Variants in GLI2 observed in about 807,000 individuals in gnomAD.
The protein encoded by GLI2 is transcription activator GLI2.
In GLI2, 22 loss-of-function variants were observed where a neutral mutation model predicts 78.9. That is an observed-to-expected ratio of 0.28 (90% CI 0.20 to 0.40). The LOEUF (loss-of-function observed/expected upper bound fraction) is 0.40. GLI2 is among the 10% of genes least tolerant of loss of function. The probability of loss-of-function intolerance (pLI) is 1.00; values close to 1 mark genes in which losing one functional copy is unlikely to be tolerated. For missense variants in GLI2, 2,097 were observed against 2,213.2 expected, an observed-to-expected ratio of 0.95 and a Z score of 1.05; for synonymous variants, 974 against 963.7, an observed-to-expected ratio of 1.01 and a Z score of -0.20.
chr2:120,980,434 C>A (rs1475919859), intron 10 of GLI2, among the ~76,000 whole-genome samples: 5 of 152,216 alleles, frequency 3.3e-5, no homozygotes, highest in Admixed American at 6.5e-5. Context: ...ATTTGCGTAT[C>A]TTCTCTGGAG....
chr2:120,856,678 C>T (rs1057492556), intron 2 of GLI2, among the ~76,000 whole-genome samples: 33 of 152,048 alleles, frequency 2.2e-4, no homozygotes, highest in Admixed American at 7.9e-4. Context: ...ACTGCAGTCC[C>T]GAGCCCTCTG....
chr2:120,813,614 C>A (rs1203799122), intron 2 of GLI2, among the ~76,000 whole-genome samples: 4 of 152,230 alleles, frequency 2.6e-5, no homozygotes. Flanking sequence ...TGACAATGTT[C>A]TTGTACATGC....
chr2:120,885,405 T>C (rs1677347578), intron 2 of GLI2, among the ~76,000 whole-genome samples: 1 of 152,212 alleles, frequency 6.6e-6, no homozygotes, highest in Non-Finnish European at 1.5e-5. Context: ...ACAGCTGGCC[T>C]CTGGGGAGGC....
intron 6 of GLI2, 94 bp downstream of exon 6, chr2:120,969,009 G>C (rs553916845): frequency 9.0e-6 from 8 of 886,742 alleles, no homozygotes; most frequent in Non-Finnish European, 1.3e-5. Flanking sequence ...CTTTTGACCC[G>C]AGGAGAAAGA....
intron 2 of GLI2, among the ~76,000 whole-genome samples, chr2:120,911,489 C>T (rs1413412860): frequency 3.9e-5 from 6 of 152,148 alleles, no homozygotes; most frequent in African/African-American, 1.2e-4. Flanking sequence ...ACTGCGGCCC[C>T]GAGCAGCATG....
chr2:120,955,094 G>T lies in GLI2; in HGVS notation c.458-151G>T, dbSNP rs189205787. 114 of 667,224 alleles carry T rather than the reference G, an allele frequency of 1.7e-4. No individual in the cohort carries two copies. In the East Asian group the frequency reaches 3.0e-3, roughly 18 times the overall value. The allele number at this position is 667,224 out of a possible 1,614,324, so 41.3% of individuals were successfully genotyped here. A position where few individuals can be genotyped will look rare whatever the true frequency, so the allele number is the denominator to read the frequency against. On this transcript the variant is annotated intron_variant, in intron 4 of 13. Coordinates refer to ENST00000361492, the MANE Select transcript of GLI2 (RefSeq NM_001374353.1). Reference sequence around the variant, plus strand: ...GGCCCAGCACAGTGCAAACAGTGGGGCAGTGGGGGAAAATGCCGAGGAGAG... The same window carrying T: ...GGCCCAGCACAGTGCAAACAGTGGGTCAGTGGGGGAAAATGCCGAGGAGAG...
intron 1 of GLI2, among the ~76,000 whole-genome samples, chr2:120,768,143 GC>G (rs1171219340): frequency 8.5e-5 from 13 of 152,350 alleles, no homozygotes; most frequent in South Asian, 4.1e-4. Flanking sequence ...CCCTGGAATA[GC>G]AGTATTTCTA....
At chr2:120,849,671 C>T (rs1687308878) in intron 2 of GLI2, among the ~76,000 whole-genome samples, 1 of 152,192 alleles carries the variant, frequency 6.6e-6, no homozygotes, top group Admixed American at 6.5e-5. Flanking sequence ...AGTTTCCAGT[C>T]CCTCTTCTTT....
chr2:120,814,069 C>T (rs999621158), intron 2 of GLI2, among the ~76,000 whole-genome samples: 4 of 151,802 alleles, frequency 2.6e-5, no homozygotes, highest in Non-Finnish European at 5.9e-5. Flanking sequence ...GCATGGTTAT[C>T]CCATCCCAGA....
At chr2:120,888,011 G>A (rs1038840517) in intron 2 of GLI2, among the ~76,000 whole-genome samples, 9 of 152,308 alleles carry the variant, frequency 5.9e-5, no homozygotes, top group South Asian at 4.1e-4. Flanking sequence ...TTGTTTTCCC[G>A]GCTGCGGTGG....
Position 120,959,553 on chromosome 2 carries a change from C to T in GLI2, c.643+4123C>T, listed in dbSNP as rs983083973. ...CGCTTCACCTTTTAAAAATGCTTTC[C>T]GCACTTCCACTTAGCTCCGAGGCCT... On this transcript the variant is annotated intron_variant, in intron 5 of 13. Coordinates refer to ENST00000361492, the MANE Select transcript of GLI2 (RefSeq NM_001374353.1). Among the ~76,000 whole-genome samples the T allele has an allele frequency of 1.2e-4, 19 of 152,340 alleles. No homozygotes were observed. In the Middle Eastern group the frequency reaches 0.01, roughly 82 times the overall value.
Position 120,873,064 on chromosome 2 carries a change from T to C in GLI2, c.149-54297T>C, listed in dbSNP as rs1688551592. On this transcript the variant is annotated intron_variant, in intron 2 of 13. Transcript: ENST00000361492. ...GTGTGCACAATTATTCACACACACA[T>C]ACCTGCCTGCTTTTTACAAAATGGG... 2.0e-5 allele frequency among the ~76,000 whole-genome samples: 3 copies of C among 152,230 alleles called. No homozygotes were observed. The South Asian group carries it at 6.2e-4, about 32-fold the overall frequency.
intron 5 of GLI2, among the ~76,000 whole-genome samples, chr2:120,958,590 G>A (rs1341576344): frequency 1.3e-5 from 2 of 152,028 alleles, no homozygotes; most frequent in Admixed American, 6.6e-5. Context: ...GCCACTTCTA[G>A]CCCCCTCAGG....
chr2:120,860,869 G>A (rs1414325438), intron 2 of GLI2, among the ~76,000 whole-genome samples: 1 of 152,180 alleles, frequency 6.6e-6, no homozygotes, highest in Non-Finnish European at 1.5e-5. Flanking sequence ...GAGGCCCTGC[G>A]TGGATTACCC....
intron 1 of GLI2, among the ~76,000 whole-genome samples, chr2:120,773,429 G>A (rs892422738): frequency 6.6e-6 from 1 of 152,150 alleles, no homozygotes; most frequent in Non-Finnish European, 1.5e-5. Context: ...GCCCAGGCAG[G>A]GATGGGAAAG....
At chr2:120,977,403 T>C (rs1682505469) in intron 9 of GLI2, among the ~76,000 whole-genome samples, 1 of 152,254 alleles carries the variant, frequency 6.6e-6, no homozygotes, top group Admixed American at 6.5e-5. Context: ...GTATATTCTT[T>C]TTTTTCCATT....
chr2:120,738,259 T>G (rs953318549), intron 1 of GLI2, among the ~76,000 whole-genome samples: 8 of 152,366 alleles, frequency 5.3e-5, no homozygotes, highest in Non-Finnish European at 7.3e-5. Context: ...TCTTTTTGAC[T>G]ATGCTTCTTG....
chr2:120,877,120 G>A lies in GLI2; in HGVS notation c.149-50241G>A, dbSNP rs1347634384. On this transcript the variant is annotated intron_variant, in intron 2 of 13. Coordinates refer to ENST00000361492, the MANE Select transcript of GLI2 (RefSeq NM_001374353.1). Reference sequence around the variant, plus strand: ...GGCCCAGCTCCTCAGCATGACCTTGGGGTGGCTTGCCTGGCCTCCCCTCCT... The same window carrying A: ...GGCCCAGCTCCTCAGCATGACCTTGAGGTGGCTTGCCTGGCCTCCCCTCCT... Among the ~76,000 whole-genome samples, 7 of 152,168 alleles carry A rather than the reference G, an allele frequency of 4.6e-5. No homozygotes were observed. In the South Asian group the frequency reaches 1.5e-3, roughly 32 times the overall value.
At chr2:120,799,860 G>A (rs778458737) in intron 2 of GLI2, among the ~76,000 whole-genome samples, 5 of 152,236 alleles carry the variant, frequency 3.3e-5, no homozygotes, top group Non-Finnish European at 7.3e-5. Context: ...CTGTCAGCAG[G>A]TGAGGAGAAT....
Sources: gnomAD v4.1 joint callset for allele counts (sites outside exome capture counted in the v4.1 genomes callset) on GRCh38, gnomAD v4.1.1 for gene constraint, MANE v1.5 for transcripts, NCBI Gene and HGNC (gene_info 2026-07-23, HGNC 2026-07-21) for gene names.